RADIL: variants seen among roughly 807,000 people sequenced by gnomAD.
RADIL encodes the protein Rap associating with DIL domain, also known as ras-associating and dilute domain-containing protein.
Under a neutral mutation model 97.6 loss-of-function variants are expected in RADIL, and 99 were observed. That is an observed-to-expected ratio of 1.01 (90% CI 0.86 to 1.20). The LOEUF (loss-of-function observed/expected upper bound fraction) is 1.20, where lower values mean the gene tolerates loss of function less well. Ranked by LOEUF, RADIL falls within the 50% of genes most tolerant of loss-of-function variation. The pLI, the probability that RADIL is intolerant of heterozygous loss-of-function variation, is 0.00. For missense variants in RADIL, 1,765 were observed against 1,498.9 expected, an observed-to-expected ratio of 1.18 and a Z score of -2.93; for synonymous variants, 803 against 691.8, an observed-to-expected ratio of 1.16 and a Z score of -2.52.
chr7:4,803,848 G>A, intron 10 of RADIL, 94 bp from the exon 11 acceptor site: 1 of 1,162,202 alleles, frequency 8.6e-7, no homozygotes. Context: ...CCAGGGGCCA[G>A]CAGATTGAGC....
chr7:4,799,584 C>G (rs1455272319), intron 14 of RADIL, 46 bp downstream of exon 14: 1 of 1,607,566 alleles, frequency 6.2e-7, no homozygotes, highest in Admixed American at 1.7e-5. Flanking sequence ...CTCCCCTGAG[C>G]AGGGCATCTG....
intron 2 of RADIL, among the ~76,000 whole-genome samples, chr7:4,845,508 T>TAC (rs997672185): frequency 3.2e-4 from 48 of 152,142 alleles, no homozygotes; most frequent in African/African-American, 1.1e-3. Context: ...AATGAATGCA[T>TAC]ACACTAAGAA....
chr7:4,882,921 T>C (rs1343467881), intron 1 of RADIL, among the ~76,000 whole-genome samples: 2 of 151,178 alleles, frequency 1.3e-5, no homozygotes, highest in Non-Finnish European at 2.9e-5. Context: ...CAGGGCAGGA[T>C]GGTCCGCAGC....
chr7:4,864,896 C>T (rs1784095754), intron 2 of RADIL, among the ~76,000 whole-genome samples: 1 of 152,210 alleles, frequency 6.6e-6, no homozygotes, highest in Admixed American at 6.5e-5. Flanking sequence ...TTAATCCCTC[C>T]AATGACCTCC....
Position 4,803,617 on chromosome 7 carries a change from G to C in RADIL, c.2428C>G (p.Leu810Val), listed in dbSNP as rs368878172. The change falls in exon 11 of 15, where the codon CTG (leucine) becomes GTG (valine). Residue 810 changes from leucine to valine, a missense_variant. Coordinates refer to ENST00000399583, the MANE Select transcript of RADIL (RefSeq NM_018059.5). ...CTGCCGGGGCTGGCTCTGCTCCGCA[G>C]ACCCCACAGAAAGTGGCGGACGTAG... is the stretch of plus-strand genomic sequence containing the variant. ...LLYVRHFLWG[L>V]RSRASPGSPG... The C allele has an allele frequency of 2.8e-5, 44 of 1,549,642 alleles. No individual in the cohort carries two copies. In the African/African-American group the frequency reaches 4.4e-4, roughly 15 times the overall value.
chr7:4,875,531 G>C (rs368573052), intron 2 of RADIL, among the ~76,000 whole-genome samples: 4 of 152,184 alleles, frequency 2.6e-5, no homozygotes, highest in Non-Finnish European at 4.4e-5. Flanking sequence ...TCCTCGCCCG[G>C]TGACACACAA....
Position 4,854,718 on chromosome 7 carries a change from A to G in RADIL, c.536-18113T>C, listed in dbSNP as rs1783787240. The stretch of plus-strand genomic sequence containing the variant: ...CAAAACAAACAAACAAACAAAAACA[A>G]AAAGATACCACTTTGGTATTGGTTG... On this transcript the variant is annotated intron_variant, in intron 2 of 14. Transcript: ENST00000399583. The surrounding 1 kb of genome is among the most constrained non-coding windows in gnomAD (Gnocchi z 5.1). Among the ~76,000 whole-genome samples, 1 of 152,184 alleles carries G rather than the reference A, an allele frequency of 6.6e-6. No individual in the cohort carries two copies. Among genetic ancestry groups the G allele is most frequent in the African/African-American group, 2.4e-5 (1 of 41,442 alleles).
intron 2 of RADIL, among the ~76,000 whole-genome samples, chr7:4,852,714 T>G (rs752887592): frequency 4.6e-5 from 7 of 152,170 alleles, no homozygotes; most frequent in Non-Finnish European, 8.8e-5. Flanking sequence ...TGATAATTTT[T>G]GTGTTTTTGG....
chr7:4,837,373 T>A lies in RADIL; in HGVS notation c.536-768A>T, dbSNP rs1222314788. Among the ~76,000 whole-genome samples the A allele has an allele frequency of 6.6e-6, 1 of 152,196 alleles. No individual in the cohort carries two copies. Among genetic ancestry groups the A allele is most frequent in the African/African-American group, 2.4e-5 (1 of 41,448 alleles). On this transcript the variant is annotated intron_variant, in intron 2 of 14. Transcript: ENST00000399583. This position sits in a 1 kb window ranked among gnomAD's most constrained non-coding sequence, Gnocchi z 5.6. ...CGAAACTCCCCTGGGGGTGGTGCTCTGACGAGACGAGACGGACTGGTCAGC... is the reference window on the plus strand; with the variant it reads ...CGAAACTCCCCTGGGGGTGGTGCTCAGACGAGACGAGACGGACTGGTCAGC...
chr7:4,862,563 C>T (rs1222376419), intron 2 of RADIL, among the ~76,000 whole-genome samples: 1 of 152,190 alleles, frequency 6.6e-6, no homozygotes, highest in African/African-American at 2.4e-5. Context: ...CCCTAGTGCC[C>T]TGTGATCCCA....
Position 4,836,234 on chromosome 7 carries a change from A to T in RADIL, c.783+124T>A, listed in dbSNP as rs1783294866. 5.0e-6 allele frequency: 7 copies of T among 1,405,734 alleles called. No homozygotes were observed. The South Asian group carries it at 7.6e-5, about 15-fold the overall frequency. 87.1% of individuals were successfully genotyped at this position (1,405,734 alleles called of 1,614,324 possible). A position where few individuals can be genotyped will look rare whatever the true frequency, so the allele number is the denominator to read the frequency against. ...CACTCCACAGCCTCGGCACAGCCAGAGGGGCTGCAGCCACAGAGCTCGCGG... is the reference window on the plus strand; with the variant it reads ...CACTCCACAGCCTCGGCACAGCCAGTGGGGCTGCAGCCACAGAGCTCGCGG... On this transcript the variant is annotated intron_variant, in intron 3 of 14. Coordinates refer to ENST00000399583, the MANE Select transcript of RADIL (RefSeq NM_018059.5).
chr7:4,868,422 T>C (rs972330014), intron 2 of RADIL, among the ~76,000 whole-genome samples: 8 of 152,176 alleles, frequency 5.3e-5, no homozygotes, highest in Non-Finnish European at 1.0e-4. Flanking sequence ...GGATTAGCTA[T>C]CAGCAACCCT....
rs1028756875 is a variant in RADIL, at chr7:4,797,900, G to A, written c.*1478C>T. 1 of 151,980 alleles carries A rather than the reference G, an allele frequency of 6.6e-6. No individual in the cohort carries two copies. The highest frequency in any genetic ancestry group is 1.5e-5 in the Non-Finnish European group (1 of 68,028). 9.4% of individuals were successfully genotyped at this position (151,980 alleles called of 1,614,324 possible). Reference sequence around the variant, plus strand: ...GACTGAGGAGAATTGCTTGAACCTGGGAGGTGGAGGTTGCAGTGAGCTGAG... The same window carrying A: ...GACTGAGGAGAATTGCTTGAACCTGAGAGGTGGAGGTTGCAGTGAGCTGAG... On this transcript the variant is annotated 3_prime_UTR_variant, in exon 15 of 15. Transcript: ENST00000399583.
chr7:4,874,845 G>A (rs1270314300), intron 2 of RADIL, among the ~76,000 whole-genome samples: 1 of 151,988 alleles, frequency 6.6e-6, no homozygotes, highest in Non-Finnish European at 1.5e-5. Context: ...ATCACCTGAG[G>A]TCCGGAGTTC....
At chr7:4,866,492 A>G (rs1303662911) in intron 2 of RADIL, among the ~76,000 whole-genome samples, 2 of 152,238 alleles carry the variant, frequency 1.3e-5, no homozygotes, top group Admixed American at 6.5e-5. Context: ...TGGCAAATCA[A>G]TATCTAGAAA....
rs1193231046 is a variant in RADIL, at chr7:4,813,734, CTT to C, written c.2139+1542_2139+1543del. Among the ~76,000 whole-genome samples, 1 of 152,240 alleles carries C rather than the reference CTT, an allele frequency of 6.6e-6. No homozygotes were observed. Among genetic ancestry groups the C allele is most frequent in the Non-Finnish European group, 1.5e-5 (1 of 68,040 alleles). ...CTCGCTCACGCCTTTCAACAGATGACTTTGTGTTTCTTTCCGGCTGTGCGGGC... is the reference window on the plus strand; with the variant it reads ...CTCGCTCACGCCTTTCAACAGATGACTGTGTTTCTTTCCGGCTGTGCGGGC... On this transcript the variant is annotated intron_variant, in intron 9 of 14. Coordinates refer to ENST00000399583, the MANE Select transcript of RADIL (RefSeq NM_018059.5). This position sits in a 1 kb window ranked among gnomAD's most constrained non-coding sequence, Gnocchi z 5.0.
rs1232905502 is a variant in RADIL, at chr7:4,815,537, C to T, written c.1967-87G>A. On this transcript the variant is annotated intron_variant, in intron 8 of 14. Transcript: ENST00000399583. This position sits in a 1 kb window ranked among gnomAD's most constrained non-coding sequence, Gnocchi z 8.0. ...GCCTGTCCCCAGAGCCTGCCCTTCC[C>T]GGCTCTGGGCCACTGAGGACATCAC... is the stretch of plus-strand genomic sequence containing the variant. 9.0e-6 allele frequency: 12 copies of T among 1,334,606 alleles called. No individual in the cohort carries two copies. Among genetic ancestry groups the T allele is most frequent in the South Asian group, 1.6e-5 (1 of 61,814 alleles). 82.7% of individuals were successfully genotyped at this position (1,334,606 alleles called of 1,614,324 possible).
At chr7:4,830,180 G>A (rs530593152) in intron 5 of RADIL, among the ~76,000 whole-genome samples, 3 of 152,340 alleles carry the variant, frequency 2.0e-5, no homozygotes, top group South Asian at 4.1e-4. Context: ...ACTGTGCTAG[G>A]TGCTTTTTCC....
chr7:4,846,876 T>A (rs2115016421), intron 2 of RADIL, among the ~76,000 whole-genome samples: 1 of 152,208 alleles, frequency 6.6e-6, no homozygotes, highest in South Asian at 2.1e-4. Flanking sequence ...GACAAGGATT[T>A]GAATAAACAT....
Sources: gnomAD v4.1 joint callset for allele counts (sites outside exome capture counted in the v4.1 genomes callset) on GRCh38, gnomAD v4.1.1 for gene constraint, Gnocchi (gnomAD v3.1) non-coding constraint, MANE v1.5 for transcripts, NCBI Gene and HGNC (gene_info 2026-07-23, HGNC 2026-07-21) for gene names.